The following SOX5 variants were observed in gnomAD, a reference collection of about 807,000 sequenced individuals.
SOX5 encodes the protein transcription factor SOX-5.
A neutral mutation model predicts 92.0 loss-of-function variants in SOX5; 9 were observed. That is an observed-to-expected ratio of 0.10 (90% CI 0.06 to 0.17). The LOEUF (loss-of-function observed/expected upper bound fraction) is 0.17. SOX5 is among the 10% of genes least tolerant of loss of function. The pLI is 1.00. For missense variants in SOX5, 642 were observed against 944.5 expected, an observed-to-expected ratio of 0.68 and a Z score of 4.20; for synonymous variants, 344 against 336.3, an observed-to-expected ratio of 1.02 and a Z score of -0.25.
At chr12:24,195,988 G>A (rs976693882) in intron 4 of SOX5, among the ~76,000 whole-genome samples, 1 of 152,190 alleles carries the variant, frequency 6.6e-6, no homozygotes, top group Admixed American at 6.5e-5. Context: ...AGGTTCAAGC[G>A]ATTCTCCTGC....
intron 1 of SOX5, among the ~76,000 whole-genome samples, chr12:24,559,237 C>CGCGA (rs1954104119): frequency 6.6e-6 from 1 of 152,104 alleles, no homozygotes; most frequent in South Asian, 2.1e-4. Context: ...GACTTCAGGC[C>CGCGA]TAGACAAATA....
chr12:23,734,725 G>C lies in SOX5; in HGVS notation c.769C>G (p.Gln257Glu). Residue 257 changes from glutamine to glutamate, a missense_variant, in exon 6 of 15, where the codon CAG becomes GAG. Physicochemically the swap from Gln to Glu is conservative, Grantham distance 29 (BLOSUM62 2). This residue lies in a region of SOX5 where 324 missense variants were observed against 461.6 expected (regional missense o/e 0.70). Coordinates refer to ENST00000451604, the MANE Select transcript of SOX5 (RefSeq NM_006940.6). ...QIARQQQQLL[Q>E]QQHKINLLQQ... ...AGCAAATTGATTTTGTGTTGTTGCT[G>C]TAGAAGCTGCTGCTGCTGTCTTGCA... 1 of 1,613,244 alleles carries C rather than the reference G, an allele frequency of 6.2e-7. No individual in the cohort carries two copies. The highest frequency in any genetic ancestry group is 8.5e-7 in the Non-Finnish European group (1 of 1,179,486).
Position 23,665,547 on chromosome 12 carries a change from C to T in SOX5, c.828G>A (p.Pro276=), listed in dbSNP as rs753595550. The part of the protein sequence containing the change: ...QQQIQVQGQL[P]PLMIPVFPPD... ...GAGGGAATACGGGAATCATTAATGG[C>T]GGCAGCTGACCTTGAACCTGCTGAA... The change falls in exon 7 of 15, where the codon CCG becomes CCA. Residue 276 remains proline (P), a synonymous_variant. Coordinates refer to ENST00000451604, the MANE Select transcript of SOX5 (RefSeq NM_006940.6). The T allele has an allele frequency of 2.0e-5, 33 of 1,612,560 alleles. No homozygotes were observed. The highest frequency in any genetic ancestry group is 4.0e-5 in the African/African-American group (3 of 74,806).
intron 3 of SOX5, among the ~76,000 whole-genome samples, chr12:23,807,106 T>C (rs1322288514): frequency 1.3e-5 from 2 of 149,738 alleles, no homozygotes; most frequent in Non-Finnish European, 3.0e-5. Context: ...GTATTCTTCT[T>C]TTACACACCA....
intron 2 of SOX5, among the ~76,000 whole-genome samples, chr12:24,354,618 T>C (rs1954563719): frequency 6.6e-6 from 1 of 152,042 alleles, no homozygotes; most frequent in Non-Finnish European, 1.5e-5. Flanking sequence ...GGATGAATGG[T>C]GATGGAGATA....
chr12:24,314,984 A>G (rs1949565544), intron 2 of SOX5, among the ~76,000 whole-genome samples: 1 of 152,242 alleles, frequency 6.6e-6, no homozygotes, highest in African/African-American at 2.4e-5. Context: ...TTCCAGCTAT[A>G]TAATAAATAT....
At chr12:24,248,839 A>G (rs1346352229) in intron 3 of SOX5, among the ~76,000 whole-genome samples, 5 of 152,074 alleles carry the variant, frequency 3.3e-5, no homozygotes, top group Admixed American at 3.3e-4. Context: ...TTTTAAGGAT[A>G]TTTTGTTCTA....
chr12:23,850,771 C>G (rs1476265303), intron 2 of SOX5, among the ~76,000 whole-genome samples: 1 of 152,040 alleles, frequency 6.6e-6, no homozygotes, highest in Non-Finnish European at 1.5e-5. Flanking sequence ...ACCACACTTA[C>G]TCCTTTGGGA....
intron 4 of SOX5, among the ~76,000 whole-genome samples, chr12:24,109,709 A>G (rs1280259802): frequency 6.6e-6 from 1 of 152,234 alleles, no homozygotes; most frequent in East Asian, 1.9e-4. Flanking sequence ...GAAGAAAATT[A>G]GTTTTAAACA....
chr12:23,661,997 A>G (rs1221399022), intron 7 of SOX5, among the ~76,000 whole-genome samples: 1 of 152,172 alleles, frequency 6.6e-6, no homozygotes, highest in Non-Finnish European at 1.5e-5. Context: ...AATAGAACTG[A>G]GAAGTTCAAA....
At chr12:23,924,545 T>A (rs933839531) in intron 1 of SOX5, among the ~76,000 whole-genome samples, 1 of 152,132 alleles carries the variant, frequency 6.6e-6, no homozygotes, top group African/African-American at 2.4e-5. Flanking sequence ...GTGATGCAGG[T>A]TTAAATCAGG....
At chr12:23,963,952 A>G (rs1306762490) in intron 4 of SOX5, among the ~76,000 whole-genome samples, 3 of 152,034 alleles carry the variant, frequency 2.0e-5, no homozygotes, top group African/African-American at 7.2e-5. Context: ...TTTGGCCTTG[A>G]AACACTTTAT....
intron 3 of SOX5, among the ~76,000 whole-genome samples, chr12:23,780,439 T>TTTTTG (rs2141747931): frequency 6.7e-6 from 1 of 149,754 alleles, no homozygotes; most frequent in African/African-American, 2.4e-5. Context: ...GGTTTTTTGT[T>TTTTTG]TTTTTTTTTA....
At chr12:23,959,898 T>A (rs1946699926) in intron 4 of SOX5, among the ~76,000 whole-genome samples, 2 of 152,208 alleles carry the variant, frequency 1.3e-5, no homozygotes, top group African/African-American at 4.8e-5. Flanking sequence ...TGTATTAGAC[T>A]ATATCATTCA....
intron 2 of SOX5, among the ~76,000 whole-genome samples, chr12:24,296,250 C>T (rs931204043): frequency 6.6e-6 from 1 of 152,174 alleles, no homozygotes; most frequent in African/African-American, 2.4e-5. Context: ...TCTGCCTCAT[C>T]ATTTCTCATG....
At chr12:23,568,057 A>C (rs1210047670) in intron 10 of SOX5, among the ~76,000 whole-genome samples, 1 of 152,190 alleles carries the variant, frequency 6.6e-6, no homozygotes, top group Non-Finnish European at 1.5e-5. Context: ...TCTTTTGAAA[A>C]CAAGGTCTTT....
chr12:23,740,757 G>C, intron 5 of SOX5, 110 bp downstream of exon 5: 1 of 905,470 alleles, frequency 1.1e-6, no homozygotes. Flanking sequence ...TATTTAACTG[G>C]GGAGGTGGAA....
At chr12:24,508,679 A>C (rs1467632161) in intron 1 of SOX5, among the ~76,000 whole-genome samples, 1 of 152,170 alleles carries the variant, frequency 6.6e-6, no homozygotes, top group Non-Finnish European at 1.5e-5. Flanking sequence ...GGCTGTGTCT[A>C]TCATTATCTG....
chr12:23,656,277 C>G (rs1305772395), intron 7 of SOX5, among the ~76,000 whole-genome samples: 1 of 151,902 alleles, frequency 6.6e-6, no homozygotes, highest in Non-Finnish European at 1.5e-5. Flanking sequence ...TAACTTGGGC[C>G]ACTCCATTTT....
Sources: allele counts gnomAD v4.1 joint callset (sites outside exome capture counted in the v4.1 genomes callset), GRCh38; gene constraint gnomAD v4.1.1; regional missense constraint gnomAD v4.1.1; transcripts MANE v1.5; gene names NCBI Gene and HGNC (gene_info 2026-07-23, HGNC 2026-07-21).